DLGAP1: variants seen among roughly 807,000 people sequenced by gnomAD.
The protein encoded by DLGAP1 is DLG associated protein 1.
DLGAP1 carries 11 observed loss-of-function variants against 90.8 expected under a neutral mutation model. The observed-to-expected ratio is 0.12, with a 90% CI of 0.08 to 0.20. The LOEUF (loss-of-function observed/expected upper bound fraction) is 0.20, where lower values mean the gene tolerates loss of function less well. DLGAP1 is among the 10% of genes least tolerant of loss of function. The probability of loss-of-function intolerance (pLI) is 1.00; values close to 1 mark genes in which losing one functional copy is unlikely to be tolerated. For synonymous variants in DLGAP1, 558 were observed against 540.7 expected (o/e 1.03, Z -0.44); for missense variants, 1,050 against 1,333.8 (o/e 0.79, Z 3.31).
intron 1 of DLGAP1, among the ~76,000 whole-genome samples, chr18:4,426,284 G>A (rs570292097): frequency 6.6e-6 from 1 of 152,290 alleles, no homozygotes; most frequent in East Asian, 1.9e-4. Flanking sequence ...GGCCACGATA[G>A]AAGAAGATAT....
chr18:4,024,479 G>A (rs752897320), intron 2 of DLGAP1, among the ~76,000 whole-genome samples: 15 of 152,130 alleles, frequency 9.9e-5, no homozygotes, highest in Non-Finnish European at 1.9e-4. Flanking sequence ...ACTGGCTTCC[G>A]AGTTCAACAA....
chr18:3,547,125 C>T (rs1009153077), intron 9 of DLGAP1, among the ~76,000 whole-genome samples: 52 of 151,694 alleles, frequency 3.4e-4, no homozygotes, highest in African/African-American at 1.0e-3. Context: ...CAGGGTGAAA[C>T]CCCGTCTCTA....
intron 7 of DLGAP1, among the ~76,000 whole-genome samples, chr18:3,583,088 G>A (rs1332953266): frequency 6.6e-6 from 1 of 151,606 alleles, no homozygotes; most frequent in Non-Finnish European, 1.5e-5. Flanking sequence ...GATTACAAGC[G>A]TGAGCCACCG....
chr18:3,906,678 T>C (rs2148889114), intron 3 of DLGAP1, among the ~76,000 whole-genome samples: 1 of 152,328 alleles, frequency 6.6e-6, no homozygotes. Flanking sequence ...ACATGAGCTG[T>C]TAAGGTTGCT....
chr18:4,156,193 T>C (rs1240886687), intron 1 of DLGAP1, among the ~76,000 whole-genome samples: 2 of 152,158 alleles, frequency 1.3e-5, no homozygotes, highest in African/African-American at 2.4e-5. Context: ...GCCATATTGA[T>C]TGAATTATCA....
chr18:4,309,565 G>A (rs1419710803), intron 1 of DLGAP1, among the ~76,000 whole-genome samples: 1 of 152,118 alleles, frequency 6.6e-6, no homozygotes, highest in Non-Finnish European at 1.5e-5. Flanking sequence ...GAAATACAAA[G>A]AGAAATAAAA....
intron 2 of DLGAP1, among the ~76,000 whole-genome samples, chr18:4,015,089 G>C (rs929748787): frequency 6.6e-6 from 1 of 152,150 alleles, no homozygotes; most frequent in African/African-American, 2.4e-5. Flanking sequence ...GTGTTTAAAG[G>C]ATGTGTGGTC....
chr18:4,339,824 T>C (rs1038370861), intron 1 of DLGAP1, among the ~76,000 whole-genome samples: 1 of 152,130 alleles, frequency 6.6e-6, no homozygotes, highest in Non-Finnish European at 1.5e-5. Flanking sequence ...AAAGCACAAA[T>C]TCTTGCACAA....
intron 2 of DLGAP1, among the ~76,000 whole-genome samples, chr18:4,042,334 CG>C (rs1209166228): frequency 6.6e-6 from 1 of 152,200 alleles, no homozygotes; most frequent in Non-Finnish European, 1.5e-5. Context: ...TAATAAAGCA[CG>C]TCAGACTTTC....
intron 1 of DLGAP1, among the ~76,000 whole-genome samples, chr18:4,392,230 T>A (rs1479719768): frequency 6.6e-6 from 1 of 152,192 alleles, no homozygotes; most frequent in Non-Finnish European, 1.5e-5. Flanking sequence ...CTGAGATTCA[T>A]GGATAGAGAC....
chr18:3,651,184 C>A (rs1239646299), intron 7 of DLGAP1, among the ~76,000 whole-genome samples: 1 of 151,828 alleles, frequency 6.6e-6, no homozygotes, highest in Non-Finnish European at 1.5e-5. Context: ...CATGGTGAAA[C>A]CCCCTCTCTA....
chr18:4,370,807 G>A (rs2081898628), intron 1 of DLGAP1, among the ~76,000 whole-genome samples: 1 of 151,762 alleles, frequency 6.6e-6, no homozygotes, highest in African/African-American at 2.4e-5. Context: ...TGATATTCAT[G>A]TAATACATAC....
intron 2 of DLGAP1, among the ~76,000 whole-genome samples, chr18:4,022,390 T>C (rs1167265902): frequency 7.7e-6 from 1 of 130,710 alleles, no homozygotes; most frequent in East Asian, 2.2e-4. Flanking sequence ...AATATATATG[T>C]TCATCCATTC....
intron 4 of DLGAP1, among the ~76,000 whole-genome samples, chr18:3,870,758 G>T (rs1210100887): frequency 6.6e-6 from 1 of 152,104 alleles, no homozygotes; most frequent in East Asian, 1.9e-4. Context: ...ATGCTGGAAG[G>T]ATGCATGCTG....
At chr18:4,372,869 C>A (rs533110008) in intron 1 of DLGAP1, among the ~76,000 whole-genome samples, 1 of 150,968 alleles carries the variant, frequency 6.6e-6, no homozygotes, top group Non-Finnish European at 1.5e-5. Context: ...CAGAGGTTGC[C>A]GTGAGCCGAG....
chr18:4,137,227 A>T (rs1423302636), intron 2 of DLGAP1, among the ~76,000 whole-genome samples: 1 of 152,210 alleles, frequency 6.6e-6, no homozygotes, highest in Admixed American at 6.5e-5. Context: ...AAAGGACATG[A>T]ACTCATCATT....
At chr18:4,231,475 T>G (rs929264558) in intron 1 of DLGAP1, among the ~76,000 whole-genome samples, 1 of 152,130 alleles carries the variant, frequency 6.6e-6, no homozygotes, top group South Asian at 2.1e-4. Flanking sequence ...GAAACTGGGG[T>G]ATTTCCTCCC....
intron 7 of DLGAP1, among the ~76,000 whole-genome samples, chr18:3,647,833 G>C (rs1023937268): frequency 6.6e-6 from 1 of 152,164 alleles, no homozygotes; most frequent in Non-Finnish European, 1.5e-5. Context: ...GGAAAGTGTG[G>C]TACAGACGGA....
intron 3 of DLGAP1, among the ~76,000 whole-genome samples, chr18:3,916,054 A>C (rs2072136463): frequency 6.6e-6 from 1 of 152,216 alleles, no homozygotes; most frequent in Admixed American, 6.5e-5. Context: ...CCCTTGCTCA[A>C]GTAAACAAAT....
Sources: gnomAD v4.1 joint callset for allele counts (sites outside exome capture counted in the v4.1 genomes callset) on GRCh38, gnomAD v4.1.1 for gene constraint, MANE v1.5 for transcripts, NCBI Gene and HGNC (gene_info 2026-07-23, HGNC 2026-07-21) for gene names.